AEBP2: variants seen among roughly 807,000 people sequenced by gnomAD.
The protein encoded by AEBP2 is zinc finger protein AEBP2.
Under a neutral mutation model 50.8 loss-of-function variants are expected in AEBP2, and 10 were observed. The ratio of observed to expected loss-of-function variants is 0.20; its 90% CI spans 0.12 to 0.33. AEBP2 has a LOEUF of 0.33. AEBP2 is among the 10% of genes least tolerant of loss of function. The pLI is 1.00. For synonymous variants in AEBP2, 296 were observed against 261.3 expected, an observed-to-expected ratio of 1.13 and a Z score of -1.28; for missense variants, 570 against 688.0, an observed-to-expected ratio of 0.83 and a Z score of 1.92.
At chr12:19,464,851 A>G (rs1418682728) in intron 2 of AEBP2, among the ~76,000 whole-genome samples, 1 of 151,916 alleles carries the variant, frequency 6.6e-6, no homozygotes, top group South Asian at 2.1e-4. Flanking sequence ...CGGCCTCCCA[A>G]AGTGCTAGGA....
chr12:19,439,658 C>A lies in AEBP2; in HGVS notation c.-42C>A. 6.8e-7 allele frequency: 1 copy of A among 1,464,688 alleles called. No individual in the cohort carries two copies. Among genetic ancestry groups the A allele is most frequent in the Non-Finnish European group, 9.0e-7 (1 of 1,114,908 alleles). The allele number at this position is 1,464,688 out of a possible 1,614,324, so 90.7% of individuals were successfully genotyped here. A position where few individuals can be genotyped will look rare whatever the true frequency, so the allele number is the denominator to read the frequency against. ...GGGAGAGAGAGTCGAGAGAGGGAGG[C>A]GGCGGTGGGGAGGAGGAGGAGGAGG... On this transcript the variant is annotated 5_prime_UTR_variant, in exon 1 of 8. Coordinates refer to ENST00000266508, the MANE Select transcript of AEBP2 (RefSeq NM_153207.5).
chr12:19,494,181 A>C (rs144687699), intron 4 of AEBP2, among the ~76,000 whole-genome samples, 195 bp downstream of exon 4: 4 of 152,338 alleles, frequency 2.6e-5, no homozygotes, highest in South Asian at 2.1e-4. Flanking sequence ...GTGGCCTTCA[A>C]ATATAAACTG....
intron 3 of AEBP2, among the ~76,000 whole-genome samples, chr12:19,488,097 C>T (rs1253436087): frequency 6.6e-6 from 1 of 151,238 alleles, no homozygotes; most frequent in Non-Finnish European, 1.5e-5. Context: ...TCATTTTTTA[C>T]ATAAGGAACT....
chr12:19,449,530 G>A lies in AEBP2; in HGVS notation c.671+9160G>A, dbSNP rs191640728. On this transcript the variant is annotated intron_variant, in intron 1 of 7. Transcript: ENST00000266508. ...GAATGTAGCCTACTTGTTTTCCATA[G>A]ACTATATTTCATCATTGTTGCATAA... Among the ~76,000 whole-genome samples, 4 of 152,302 alleles carry A rather than the reference G, an allele frequency of 2.6e-5. No homozygotes were observed. The East Asian group carries it at 7.7e-4, about 29-fold the overall frequency.
At chr12:19,504,190 A>G (rs1015384778) in intron 5 of AEBP2, among the ~76,000 whole-genome samples, 4 of 151,728 alleles carry the variant, frequency 2.6e-5, no homozygotes, top group African/African-American at 7.3e-5. Context: ...TAATGAAACT[A>G]GGAACTAAAA....
intron 3 of AEBP2, among the ~76,000 whole-genome samples, chr12:19,480,523 A>T (rs1035170428): frequency 2.6e-5 from 4 of 152,214 alleles, no homozygotes; most frequent in African/African-American, 4.8e-5. Context: ...TCTGAAAAAG[A>T]CTTGATCTCT....
intron 2 of AEBP2, among the ~76,000 whole-genome samples, chr12:19,472,351 C>A (rs1486588268): frequency 6.6e-6 from 1 of 151,986 alleles, no homozygotes; most frequent in South Asian, 2.1e-4. Flanking sequence ...TGTGGTAGAC[C>A]CTTCTTTACC....
Position 19,440,314 on chromosome 12 carries a change from C to T in AEBP2, c.615C>T (p.Gly205=). Residue 205 remains glycine, a synonymous_variant, in exon 1 of 8, where the codon GGC becomes GGT. Coordinates refer to ENST00000266508, the MANE Select transcript of AEBP2 (RefSeq NM_153207.5). ...GCGCGACCTCCGGGGGCCGGCGGGG[C>T]AGCTTGGAGATGTCGTCGGATGGGG... ...GSSATSGGRR[G]SLEMSSDGEP... is the part of the protein sequence containing the mutation. 1.4e-6 allele frequency: 2 copies of T among 1,466,278 alleles called. No homozygotes were observed. The highest frequency in any genetic ancestry group is 1.4e-5 in the South Asian group (1 of 70,986). The allele number at this position is 1,466,278 out of a possible 1,614,324, so 90.8% of individuals were successfully genotyped here.
intron 1 of AEBP2, chr12:19,440,593 C>G: frequency 6.8e-7 from 1 of 1,464,514 alleles, no homozygotes; most frequent in Non-Finnish European, 9.1e-7. Flanking sequence ...CTCTCCTTTC[C>G]CCGCCCTCTT....
intron 1 of AEBP2, among the ~76,000 whole-genome samples, chr12:19,453,658 A>G (rs1948207566): frequency 6.6e-6 from 1 of 150,462 alleles, no homozygotes; most frequent in African/African-American, 2.4e-5. Flanking sequence ...TCCCAACCTC[A>G]GGTGATCCAC....
chr12:19,440,397 C>G (rs780082277), intron 1 of AEBP2, 27 bp downstream of exon 1: 37 of 1,465,550 alleles, frequency 2.5e-5, no homozygotes, highest in Non-Finnish European at 3.3e-5. Context: ...GTTTCCCCTT[C>G]CCTTCCTCCT....
intron 4 of AEBP2, among the ~76,000 whole-genome samples, chr12:19,496,177 AAG>A (rs1462824947): frequency 2.6e-5 from 4 of 152,176 alleles, no homozygotes; most frequent in African/African-American, 7.2e-5. Flanking sequence ...TTGTAAAGAG[AAG>A]AGAGATTCAG....
intron 1 of AEBP2, among the ~76,000 whole-genome samples, chr12:19,453,393 T>C (rs545776219): frequency 1.3e-5 from 2 of 151,530 alleles, no homozygotes; most frequent in African/African-American, 4.8e-5. Context: ...GTTGGGATTA[T>C]AGGCATGAAC....
At chr12:19,439,425 G>A (rs1404665585), upstream of AEBP2, among the ~76,000 whole-genome samples, 1 of 150,680 alleles carries the variant, frequency 6.6e-6, no homozygotes, top group East Asian at 2.0e-4. Context: ...GGCGCCGGGC[G>A]GGGGCGGGGG....
intron 1 of AEBP2, chr12:19,457,248 C>G: frequency 6.3e-7 from 1 of 1,595,912 alleles, no homozygotes. Context: ...TTTGTCCATT[C>G]TTGGAGATAC....
chr12:19,433,910 G>A (rs955952497), intron 1 of AEBP2, among the ~76,000 whole-genome samples: 3 of 151,986 alleles, frequency 2.0e-5, no homozygotes, highest in Middle Eastern at 3.4e-3. Context: ...GTAGTGGCGC[G>A]ATCTCGGCTC....
At chr12:19,456,325 C>CA (rs1221433962) in intron 1 of AEBP2, 2 of 1,436,674 alleles carry the variant, frequency 1.4e-6, no homozygotes, top group East Asian at 4.6e-5. Flanking sequence ...GCTTTGATGA[C>CA]ATCCACTGCA....
intron 1 of AEBP2, among the ~76,000 whole-genome samples, chr12:19,448,979 C>T (rs1349801090): frequency 1.3e-5 from 2 of 152,134 alleles, no homozygotes; most frequent in Non-Finnish European, 1.5e-5. Context: ...CACACCTGGC[C>T]ATCATTACTT....
chr12:19,436,324 C>T (rs185437146), upstream of AEBP2, among the ~76,000 whole-genome samples: 1 of 152,248 alleles, frequency 6.6e-6, no homozygotes, highest in Admixed American at 6.5e-5. Context: ...TCCTGGAAAA[C>T]TCATGAATAA....
Sources: gnomAD v4.1 joint callset for allele counts (sites outside exome capture counted in the v4.1 genomes callset) on GRCh38, gnomAD v4.1.1 for gene constraint, MANE v1.5 for transcripts, NCBI Gene and HGNC (gene_info 2026-07-23, HGNC 2026-07-21) for gene names.